NBAS: variants seen among roughly 807,000 people sequenced by gnomAD.
NBAS encodes the protein NBAS subunit of NRZ tethering complex, also known as NAG/BC035112 fusion.
In NBAS, 219 loss-of-function variants were observed where a neutral mutation model predicts 302.5. The ratio of observed to expected loss-of-function variants is 0.72; its 90% confidence interval spans 0.65 to 0.81. The LOEUF (loss-of-function observed/expected upper bound fraction) is 0.81. NBAS is among the 30% of genes least tolerant of loss of function. The pLI is 0.00. For synonymous variants in NBAS, 1,118 were observed against 1,021.6 expected, an observed-to-expected ratio of 1.09 and a Z score of -1.80; for missense variants, 2,932 against 2,841.6, an observed-to-expected ratio of 1.03 and a Z score of -0.72.
At chr2:15,510,088 T>A (rs1419001667) in intron 10 of NBAS, among the ~76,000 whole-genome samples, 1 of 152,198 alleles carries the variant, frequency 6.6e-6, no homozygotes, top group East Asian at 1.9e-4. Context: ...GACCTCGTGA[T>A]CCACCCACTT....
At chr2:15,414,011 T>C (rs1423904786) in intron 25 of NBAS, among the ~76,000 whole-genome samples, 1 of 152,206 alleles carries the variant, frequency 6.6e-6, no homozygotes, top group Non-Finnish European at 1.5e-5. Flanking sequence ...GAATTTAAAG[T>C]CACTTCTTTC....
chr2:15,186,944 A>G, intron 49 of NBAS, 64 bp from the exon 50 acceptor site: 6 of 1,595,866 alleles, frequency 3.8e-6, no homozygotes, highest in Non-Finnish European at 5.2e-6. Flanking sequence ...ATTGTGATAA[A>G]TTTTAAAACA....
chr2:14,872,668 T>C, the NBAS span, among the ~76,000 whole-genome samples: 1 of 151,394 alleles, frequency 6.6e-6, no homozygotes, highest in East Asian at 1.9e-4. Context: ...ACTTCTGGAG[T>C]TGTTCATTCC....
chr2:15,256,499 G>A (rs1229974183), intron 44 of NBAS, among the ~76,000 whole-genome samples: 1 of 152,056 alleles, frequency 6.6e-6, no homozygotes, highest in Non-Finnish European at 1.5e-5. Flanking sequence ...GCAAATAGTG[G>A]CTGTTTGACT....
intron 9 of NBAS, among the ~76,000 whole-genome samples, chr2:15,525,879 A>C (rs1343663698): frequency 6.6e-6 from 1 of 152,228 alleles, no homozygotes; most frequent in African/African-American, 2.4e-5. Flanking sequence ...AGTGCCACTT[A>C]AAAATCTATA....
At chr2:14,798,291 T>C in the NBAS span, among the ~76,000 whole-genome samples, 5,887 of 152,268 alleles carry the variant, frequency 0.039, 362 homozygotes, top group African/African-American at 0.13. Context: ...AGATACCTTT[T>C]TGAGGAATAG....
chr2:15,561,328 G>C lies in NBAS; in HGVS notation c.-24C>G, dbSNP rs1025184633. On this transcript the variant is annotated 5_prime_UTR_variant, in exon 1 of 52. Coordinates refer to ENST00000281513, the MANE Select transcript of NBAS (RefSeq NM_015909.4). ...ATGTTCGCCGAGGACTCAGGCAGCG[G>C]AGGAGTGTCTCTACGGAATCCCTCA... 1.9e-6 allele frequency: 3 copies of C among 1,600,896 alleles called. No individual in the cohort carries two copies. Among genetic ancestry groups the C allele is most frequent in the South Asian group, 1.1e-5 (1 of 90,860 alleles).
At chr2:15,182,722 T>C (rs928751207) in intron 50 of NBAS, among the ~76,000 whole-genome samples, 1 of 152,208 alleles carries the variant, frequency 6.6e-6, no homozygotes, top group Non-Finnish European at 1.5e-5. Context: ...TATACTGCCA[T>C]GGATACAAGC....
chr2:14,910,184 G>A, the NBAS span, among the ~76,000 whole-genome samples: 3 of 152,272 alleles, frequency 2.0e-5, no homozygotes, highest in East Asian at 5.8e-4. Flanking sequence ...AAAATGGCTT[G>A]ATTTAAAAGG....
intron 44 of NBAS, among the ~76,000 whole-genome samples, chr2:15,251,965 GA>G (rs549046045): frequency 3.1e-4 from 47 of 152,316 alleles, no homozygotes; most frequent in African/African-American, 1.1e-3. Flanking sequence ...GTCTGTCAGA[GA>G]ATGAGGAAGA....
At chr2:15,428,501 G>A (rs557104014) in intron 21 of NBAS, among the ~76,000 whole-genome samples, 2 of 152,276 alleles carry the variant, frequency 1.3e-5, no homozygotes, top group East Asian at 3.9e-4. Context: ...AAGCCAAGGA[G>A]GGAGGACTGC....
At chr2:15,290,624 C>T (rs1056928095) in intron 41 of NBAS, among the ~76,000 whole-genome samples, 1 of 152,178 alleles carries the variant, frequency 6.6e-6, no homozygotes, top group Non-Finnish European at 1.5e-5. Context: ...TTAAGAAACC[C>T]AAGCTCAACT....
chr2:15,002,325 G>C, the NBAS span, among the ~76,000 whole-genome samples: 1,498 of 152,214 alleles, frequency 9.8e-3, 42 homozygotes, highest in East Asian at 0.089. Context: ...ACACAGTGTC[G>C]ATTGGTGCAT....
chr2:14,844,781 C>T, the NBAS span, among the ~76,000 whole-genome samples: 1 of 152,174 alleles, frequency 6.6e-6, no homozygotes, highest in Non-Finnish European at 1.5e-5. Flanking sequence ...CCCTGAAAGC[C>T]TGTGGTAATG....
At chr2:15,098,831 A>G in the NBAS span, among the ~76,000 whole-genome samples, 16 of 150,560 alleles carry the variant, frequency 1.1e-4, no homozygotes, top group Non-Finnish European at 1.8e-4. Context: ...ATTCATTTAC[A>G]TATTGTCTGT....
chr2:15,193,111 A>C (rs1665440808), intron 48 of NBAS, among the ~76,000 whole-genome samples: 1 of 152,150 alleles, frequency 6.6e-6, no homozygotes, highest in Non-Finnish European at 1.5e-5. Flanking sequence ...TTGATAAATT[A>C]TTTTTGTATA....
At chr2:15,179,758 T>A (rs941090855) in intron 50 of NBAS, 1 of 152,950 alleles carries the variant, frequency 6.5e-6, no homozygotes, top group African/African-American at 2.4e-5. Flanking sequence ...AAAATGTGTT[T>A]GGATCCCCAC....
the NBAS span, among the ~76,000 whole-genome samples, chr2:14,898,777 G>A: frequency 7.9e-5 from 12 of 152,150 alleles, no homozygotes; most frequent in African/African-American, 2.4e-4. Flanking sequence ...CCCCAGCCAT[G>A]TGGAACTGTA....
At chr2:15,494,586 A>G (rs1004923569) in intron 11 of NBAS, among the ~76,000 whole-genome samples, 1 of 152,188 alleles carries the variant, frequency 6.6e-6, no homozygotes, top group African/African-American at 2.4e-5. Flanking sequence ...TTGATATTTA[A>G]TTCTTCTAAC....
Sources: gnomAD v4.1 joint callset for allele counts (sites outside exome capture counted in the v4.1 genomes callset) on GRCh38, gnomAD v4.1.1 for gene constraint, MANE v1.5 for transcripts, NCBI Gene and HGNC (gene_info 2026-07-23, HGNC 2026-07-21) for gene names.